ARHGAP32: variants seen among roughly 807,000 people sequenced by gnomAD.
ARHGAP32 encodes Rho GTPase activating protein 32, also known as rho GTPase-activating protein 32.
Under a neutral mutation model 186.5 loss-of-function variants are expected in ARHGAP32, and 51 were observed. That is an observed-to-expected ratio of 0.27 (90% CI 0.22 to 0.35). The LOEUF is 0.35. ARHGAP32 is among the 10% of genes least tolerant of loss of function. The pLI, the probability that ARHGAP32 is intolerant of heterozygous loss-of-function variation, is 1.00. For synonymous variants in ARHGAP32, 950 were observed against 964.3 expected (o/e 0.99, Z 0.27); for missense variants, 2,186 against 2,623.5 (o/e 0.83, Z 3.64).
chr11:129,237,042 G>A (rs1427532264), intron 1 of ARHGAP32, among the ~76,000 whole-genome samples: 1 of 152,112 alleles, frequency 6.6e-6, no homozygotes, highest in Non-Finnish European at 1.5e-5. Flanking sequence ...CTTATGTGGT[G>A]TACCACAATT....
rs1456910450 is a variant in ARHGAP32 at position 128,965,306 on chromosome 11, T to C, written c.*3601A>G. On this transcript the variant is annotated 3_prime_UTR_variant, in exon 23 of 23. Transcript: ENST00000682385. ...GGGCAAGAAATAAATCACAAAACTA[T>C]TTACAAAAATACACAAGCTTATATG... 2 of 151,388 alleles carry C rather than the reference T, an allele frequency of 1.3e-5. No individual in the cohort carries two copies. The highest frequency in any genetic ancestry group is 2.9e-5 in the Non-Finnish European group (2 of 67,912). The allele number at this position is 151,388 out of a possible 1,614,324, so 9.4% of individuals were successfully genotyped here. A position where few individuals can be genotyped will look rare whatever the true frequency, so the allele number is the denominator to read the frequency against.
rs1236669154 is a variant in ARHGAP32 at position 129,035,395 on chromosome 11, G to A, written c.1045+5533C>T. 1.3e-5 allele frequency among the ~76,000 whole-genome samples: 2 copies of A among 152,168 alleles called. 1 individual carries two copies. The highest frequency in any genetic ancestry group is 2.9e-5 in the Non-Finnish European group (2 of 68,034). ...TTGAAATTTTCAGTCTCAAACTATA[G>A]CTGTATCTTTCAGATTTGGCATCTA... On this transcript the variant is annotated intron_variant, in intron 11 of 22. Transcript: ENST00000682385.
rs370228235 is a variant in ARHGAP32 at position 129,064,708 on chromosome 11, T to C, written c.762+133A>G. 2.7e-4 allele frequency: 174 copies of C among 642,590 alleles called. 3 individuals carry two copies. In the East Asian group the frequency reaches 4.8e-3, roughly 18 times the overall value. The allele number at this position is 642,590 out of a possible 1,614,324, so 39.8% of individuals were successfully genotyped here. ...TATTTCGTGTATCACGTATCTATCC[T>C]CCCAGATGCTGAGAATATACTTCAT... On this transcript the variant is annotated intron_variant, in intron 8 of 22. Coordinates refer to ENST00000682385, the MANE Select transcript of ARHGAP32 (RefSeq NM_001378024.1).
intron 1 of ARHGAP32, among the ~76,000 whole-genome samples, chr11:129,218,191 A>C (rs1944668798): frequency 6.6e-6 from 1 of 152,214 alleles, no homozygotes; most frequent in Non-Finnish European, 1.5e-5. Flanking sequence ...TGAAATATTA[A>C]ATACGTTAAA....
chr11:129,015,395 A>G (rs1316112138), intron 11 of ARHGAP32, among the ~76,000 whole-genome samples: 1 of 152,228 alleles, frequency 6.6e-6, no homozygotes, highest in East Asian at 1.9e-4. Flanking sequence ...TTGATTATAC[A>G]GAAATATTTA....
intron 1 of ARHGAP32, among the ~76,000 whole-genome samples, chr11:129,166,167 A>C (rs1943636046): frequency 6.6e-6 from 1 of 152,134 alleles, no homozygotes; most frequent in South Asian, 2.1e-4. Flanking sequence ...ACTAGAAGAT[A>C]GTTTAGTAGA....
intron 1 of ARHGAP32, among the ~76,000 whole-genome samples, chr11:129,236,792 A>G (rs932630830): frequency 2.6e-5 from 4 of 152,216 alleles, no homozygotes; most frequent in Non-Finnish European, 5.9e-5. Context: ...TATACTGAAT[A>G]GAAGTGGTGA....
At chr11:129,044,656 C>T (rs1939736166) in intron 10 of ARHGAP32, among the ~76,000 whole-genome samples, 1 of 150,904 alleles carries the variant, frequency 6.6e-6, no homozygotes, top group Non-Finnish European at 1.5e-5. Flanking sequence ...AAATATCATT[C>T]TTTCTAAAAC....
intron 5 of ARHGAP32, among the ~76,000 whole-genome samples, chr11:129,105,153 T>C (rs1318374187): frequency 6.6e-6 from 1 of 152,072 alleles, no homozygotes; most frequent in African/African-American, 2.4e-5. Context: ...TACAACTATC[T>C]GGAGCAAAAA....
intron 5 of ARHGAP32, among the ~76,000 whole-genome samples, chr11:129,097,954 T>A (rs1035865381): frequency 5.3e-5 from 8 of 152,158 alleles, no homozygotes; most frequent in African/African-American, 1.9e-4. Flanking sequence ...CAAGGGATCA[T>A]CAGTAAGACT....
chr11:129,139,546 C>G (rs1219081878), intron 2 of ARHGAP32, among the ~76,000 whole-genome samples: 1 of 152,102 alleles, frequency 6.6e-6, no homozygotes, highest in Non-Finnish European at 1.5e-5. Context: ...GGGAGGGACC[C>G]AGTGGGAGGT....
chr11:129,065,831 C>T (rs1940670237), intron 7 of ARHGAP32, among the ~76,000 whole-genome samples: 1 of 152,090 alleles, frequency 6.6e-6, no homozygotes, highest in African/African-American at 2.4e-5. Flanking sequence ...CCATGACTCC[C>T]AACTGTTCTC....
chr11:129,171,349 A>T (rs1401372164), intron 1 of ARHGAP32, among the ~76,000 whole-genome samples: 1 of 152,164 alleles, frequency 6.6e-6, no homozygotes, highest in African/African-American at 2.4e-5. Context: ...ATTTTTGTAT[A>T]AGGTGAAAGG....
At position 128,965,903 on chromosome 11, in the gene ARHGAP32, G is replaced by C. The variant is rs1945212567; in HGVS notation, c.*3004C>G. The C allele has an allele frequency of 6.6e-6, 1 of 152,154 alleles. No individual in the cohort carries two copies. The highest frequency in any genetic ancestry group is 6.6e-5 in the Admixed American group (1 of 15,266). 9.4% of individuals were successfully genotyped at this position (152,154 alleles called of 1,614,324 possible). A position where few individuals can be genotyped will look rare whatever the true frequency, so the allele number is the denominator to read the frequency against. Reference sequence around the variant, plus strand: ...TAGTTAACAGTCCCTCCTCTCTACAGAATTAGTCCTAGAATTTTTCAACCT... The same window carrying C: ...TAGTTAACAGTCCCTCCTCTCTACACAATTAGTCCTAGAATTTTTCAACCT... On this transcript the variant is annotated 3_prime_UTR_variant, in exon 23 of 23. Transcript: ENST00000682385.
At chr11:129,120,562 C>A (rs754042268) in intron 5 of ARHGAP32, among the ~76,000 whole-genome samples, 1 of 151,996 alleles carries the variant, frequency 6.6e-6, no homozygotes, top group Non-Finnish European at 1.5e-5. Flanking sequence ...TAAAATTGAT[C>A]ATTGGAATTT....
intron 1 of ARHGAP32, among the ~76,000 whole-genome samples, chr11:129,225,749 T>C (rs1040407468): frequency 6.6e-6 from 1 of 152,050 alleles, no homozygotes; most frequent in Non-Finnish European, 1.5e-5. Context: ...GGCCTATACA[T>C]AGAGGGAAAA....
intron 1 of ARHGAP32, among the ~76,000 whole-genome samples, chr11:129,231,030 G>T (rs928411373): frequency 6.6e-6 from 1 of 152,148 alleles, no homozygotes; most frequent in African/African-American, 2.4e-5. Flanking sequence ...AGCTACTCGG[G>T]AGGCTGAGCA....
intron 10 of ARHGAP32, among the ~76,000 whole-genome samples, chr11:129,043,171 T>A (rs568311508): frequency 6.6e-5 from 10 of 152,144 alleles, no homozygotes; most frequent in Non-Finnish European, 1.5e-4. Context: ...AATTCATGTT[T>A]CTAAAAGAGC....
chr11:129,050,342 T>A (rs952326422), intron 10 of ARHGAP32, among the ~76,000 whole-genome samples: 11 of 152,214 alleles, frequency 7.2e-5, no homozygotes, highest in African/African-American at 2.7e-4. Context: ...GCCTATTTTT[T>A]AAATTGAATT....
Sources: allele counts gnomAD v4.1 joint callset (sites outside exome capture counted in the v4.1 genomes callset), GRCh38; gene constraint gnomAD v4.1.1; transcripts MANE v1.5; gene names NCBI Gene and HGNC (gene_info 2026-07-23, HGNC 2026-07-21).